RBFOX1: variants seen among roughly 807,000 people sequenced by gnomAD.
RBFOX1 encodes the protein RNA binding protein fox-1 homolog 1.
RBFOX1 carries 8 observed loss-of-function variants against 57.7 expected under a neutral mutation model. The ratio of observed to expected loss-of-function variants is 0.14; its 90% CI spans 0.08 to 0.25. The LOEUF (loss-of-function observed/expected upper bound fraction) is 0.25. Ranked by LOEUF, RBFOX1 falls within the 10% of genes least tolerant of loss-of-function variation. RBFOX1 has a pLI of 1.00. For synonymous variants in RBFOX1, 326 were observed against 222.4 expected, an observed-to-expected ratio of 1.47 and a Z score of -4.15; for missense variants, 611 against 548.5, an observed-to-expected ratio of 1.11 and a Z score of -1.14.
intron 3 of RBFOX1, among the ~76,000 whole-genome samples, chr16:6,892,595 G>C (rs1596364458): frequency 6.6e-6 from 1 of 152,114 alleles, no homozygotes; most frequent in Non-Finnish European, 1.5e-5. Context: ...ACTTGAACCT[G>C]GGAAATGGAA....
intron 4 of RBFOX1, among the ~76,000 whole-genome samples, chr16:7,298,314 A>G (rs1433428464): frequency 8.5e-6 from 1 of 117,166 alleles, no homozygotes; most frequent in Non-Finnish European, 1.7e-5. Flanking sequence ...TTTGAGATAT[A>G]CTCACTCTTT....
intron 4 of RBFOX1, among the ~76,000 whole-genome samples, chr16:7,450,665 A>G (rs951860874): frequency 9.9e-5 from 15 of 152,164 alleles, no homozygotes; most frequent in Admixed American, 4.6e-4. Flanking sequence ...CCTGATTTAA[A>G]GTGAAAAGAA....
At chr16:6,178,180 T>TAA (rs2097029282) in intron 1 of RBFOX1, among the ~76,000 whole-genome samples, 1 of 114,678 alleles carries the variant, frequency 8.7e-6, no homozygotes, top group Non-Finnish European at 1.7e-5. Flanking sequence ...GGTCACTCTT[T>TAA]TTTTTTTTTT....
chr16:7,416,323 A>G (rs1384638081), intron 4 of RBFOX1, among the ~76,000 whole-genome samples: 2 of 152,186 alleles, frequency 1.3e-5, no homozygotes, highest in Non-Finnish European at 2.9e-5. Flanking sequence ...GGACAAGTCA[A>G]AGCTTTCTGT....
intron 1 of RBFOX1, among the ~76,000 whole-genome samples, chr16:5,439,209 G>C (rs971274938): frequency 6.6e-6 from 1 of 152,062 alleles, no homozygotes; most frequent in East Asian, 1.9e-4. Flanking sequence ...AGAAGATGTG[G>C]TATGGAATGT....
At chr16:5,535,205 G>A (rs1298975958) in intron 2 of RBFOX1, among the ~76,000 whole-genome samples, 1 of 152,168 alleles carries the variant, frequency 6.6e-6, no homozygotes, top group East Asian at 1.9e-4. Context: ...CACATTTCAA[G>A]TGCTCAGTAG....
intron 3 of RBFOX1, among the ~76,000 whole-genome samples, chr16:5,818,044 C>A (rs1041119358): frequency 6.6e-6 from 1 of 152,260 alleles, no homozygotes; most frequent in East Asian, 1.9e-4. Flanking sequence ...GCAGTAGGGT[C>A]TTTGAACAGT....
intron 2 of RBFOX1, among the ~76,000 whole-genome samples, chr16:6,644,089 G>C (rs898605118): frequency 2.3e-4 from 35 of 152,292 alleles, no homozygotes; most frequent in Admixed American, 1.2e-3. Context: ...TCACCCTACT[G>C]CACTCCAACC....
At chr16:7,148,366 A>C (rs145783031) in intron 4 of RBFOX1, among the ~76,000 whole-genome samples, 7 of 152,330 alleles carry the variant, frequency 4.6e-5, no homozygotes, top group Non-Finnish European at 7.3e-5. Flanking sequence ...GGCCATTATC[A>C]TATTAATTTT....
intron 4 of RBFOX1, among the ~76,000 whole-genome samples, chr16:7,448,438 C>A (rs1322398124): frequency 6.6e-6 from 1 of 152,170 alleles, no homozygotes; most frequent in African/African-American, 2.4e-5. Context: ...ACACGTTTTA[C>A]ATGGCGGCAG....
intron 3 of RBFOX1, among the ~76,000 whole-genome samples, chr16:6,994,787 G>C (rs11077123): frequency 2.0e-5 from 3 of 151,916 alleles, no homozygotes; most frequent in African/African-American, 7.3e-5. Context: ...ATATGTTACC[G>C]ACCAAATTGC....
At chr16:7,391,459 G>T (rs114222499) in intron 4 of RBFOX1, among the ~76,000 whole-genome samples, 137 of 152,256 alleles carry the variant, frequency 9.0e-4, no homozygotes, top group African/African-American at 3.2e-3. Flanking sequence ...TCCACATCTG[G>T]ACTTCTTTCC....
At chr16:7,147,998 A>G (rs981410790) in intron 4 of RBFOX1, among the ~76,000 whole-genome samples, 4 of 152,194 alleles carry the variant, frequency 2.6e-5, no homozygotes. Flanking sequence ...CACAAGAGGT[A>G]TACAAAGGTA....
intron 4 of RBFOX1, among the ~76,000 whole-genome samples, chr16:7,141,725 C>T (rs2073839077): frequency 6.6e-6 from 1 of 152,110 alleles, no homozygotes; most frequent in East Asian, 1.9e-4. Flanking sequence ...TTTACCTCAT[C>T]ATCCTATCCA....
chr16:7,685,657 T>C (rs907613188), intron 14 of RBFOX1, among the ~76,000 whole-genome samples: 9 of 152,128 alleles, frequency 5.9e-5, no homozygotes, highest in African/African-American at 2.2e-4. Context: ...TGTATGCTAG[T>C]ATTTGCAGTG....
At chr16:6,686,925 T>G (rs1285103591) in intron 3 of RBFOX1, among the ~76,000 whole-genome samples, 1 of 152,190 alleles carries the variant, frequency 6.6e-6, no homozygotes, top group Non-Finnish European at 1.5e-5. Context: ...GTACCTGATT[T>G]GTGTGTGTAT....
chr16:6,163,305 C>G (rs925965738), intron 1 of RBFOX1, among the ~76,000 whole-genome samples: 3 of 152,144 alleles, frequency 2.0e-5, no homozygotes, highest in Admixed American at 6.5e-5. Flanking sequence ...TGTCAAGGCA[C>G]TTATTTTTTG....
At chr16:5,718,446 T>C (rs1416999019) in intron 3 of RBFOX1, among the ~76,000 whole-genome samples, 1 of 152,374 alleles carries the variant, frequency 6.6e-6, no homozygotes, top group Non-Finnish European at 1.5e-5. Flanking sequence ...GCAGGTGTTA[T>C]TTTGATGATA....
intron 1 of RBFOX1, among the ~76,000 whole-genome samples, chr16:5,390,279 A>ATTCTTTTTTTT (rs1567435742): frequency 1.3e-5 from 2 of 148,528 alleles, no homozygotes; most frequent in African/African-American, 5.0e-5. Context: ...ATCGAAAAGT[A>ATTCTTTTTTTT]GTTTTTTTTT....
Sources: gnomAD v4.1 joint callset for allele counts (sites outside exome capture counted in the v4.1 genomes callset) on GRCh38, gnomAD v4.1.1 for gene constraint, MANE v1.5 for transcripts, NCBI Gene and HGNC (gene_info 2026-07-23, HGNC 2026-07-21) for gene names.